Variants in NCOR1 observed in about 807,000 individuals in gnomAD.
NCOR1 encodes nuclear receptor corepressor 1, also known as protein phosphatase 1, regulatory subunit 109.
Under a neutral mutation model 288.1 loss-of-function variants are expected in NCOR1, and 63 were observed. That is an observed-to-expected ratio of 0.22 (90% CI 0.18 to 0.27). The LOEUF is 0.27. Among genes scored for constraint, NCOR1 ranks in the 10% least tolerant of loss-of-function variants. The probability of loss-of-function intolerance (pLI) is 1.00; values close to 1 mark genes in which losing one functional copy is unlikely to be tolerated. For missense variants in NCOR1, 2,397 were observed against 3,019.2 expected, an observed-to-expected ratio of 0.79 and a Z score of 4.83; for synonymous variants, 1,007 against 1,065.9, an observed-to-expected ratio of 0.94 and a Z score of 1.08.
intron 23 of NCOR1, among the ~76,000 whole-genome samples, chr17:16,084,985 T>C (rs1030220184): frequency 6.6e-6 from 1 of 152,106 alleles, no homozygotes; most frequent in Non-Finnish European, 1.5e-5. Context: ...AAACTTCTCA[T>C]CAAAATACCA....
At chr17:16,125,595 G>A (rs1009442408) in intron 15 of NCOR1, among the ~76,000 whole-genome samples, 1 of 150,822 alleles carries the variant, frequency 6.6e-6, no homozygotes, top group Non-Finnish European at 1.5e-5. Context: ...CCAGCTACTC[G>A]GGAGGCTGAG....
Position 16,162,989 on chromosome 17 carries a change from T to C in NCOR1, c.618+1990A>G, listed in dbSNP as rs543184002. The stretch of plus-strand genomic sequence containing the variant: ...CCTTAATAACCCCAGGGGGTTTTCA[T>C]ATAAAACCTAAACAAATTCTGTTCA... On this transcript the variant is annotated intron_variant, in intron 5 of 45. Coordinates refer to ENST00000268712, the MANE Select transcript of NCOR1 (RefSeq NM_006311.4). Among the ~76,000 whole-genome samples the C allele has an allele frequency of 2.6e-5, 4 of 152,210 alleles. No individual in the cohort carries two copies. The East Asian group carries it at 7.7e-4, about 29-fold the overall frequency.
Position 16,087,093 on chromosome 17 carries a change from A to G in NCOR1, c.3017-651T>C, listed in dbSNP as rs969557622. 52 of 1,042,472 alleles carry G rather than the reference A, an allele frequency of 5.0e-5. 1 individual carries two copies. The Admixed American group carries it at 1.4e-3, about 28-fold the overall frequency. 64.6% of individuals were successfully genotyped at this position (1,042,472 alleles called of 1,614,324 possible). On this transcript the variant is annotated intron_variant, in intron 22 of 45. Coordinates refer to ENST00000268712, the MANE Select transcript of NCOR1 (RefSeq NM_006311.4). ...AGGACACGTCCTGGAAGAGCAGTTC[A>G]TTCACGAGATTAAACCACCCACGTG...
intron 26 of NCOR1, among the ~76,000 whole-genome samples, chr17:16,076,195 T>C (rs1377554028): frequency 2.6e-5 from 4 of 152,268 alleles, no homozygotes; most frequent in Non-Finnish European, 4.4e-5. Flanking sequence ...CTTTTTTTGT[T>C]AATGACTTAT....
intron 6 of NCOR1, among the ~76,000 whole-genome samples, chr17:16,154,853 A>C (rs1249461106): frequency 6.6e-6 from 1 of 152,198 alleles, no homozygotes; most frequent in Admixed American, 6.5e-5. Context: ...TAGAGGAAAG[A>C]AGCGTAAGAC....
chr17:16,126,279 G>T, intron 14 of NCOR1, 73 bp from the exon 15 acceptor site: 1 of 1,388,150 alleles, frequency 7.2e-7, no homozygotes, highest in Non-Finnish European at 9.5e-7. Flanking sequence ...GATAAATTAT[G>T]TCTATCTAAA....
intron 26 of NCOR1, among the ~76,000 whole-genome samples, chr17:16,078,362 C>G (rs983141723): frequency 2.6e-5 from 4 of 152,162 alleles, no homozygotes; most frequent in Non-Finnish European, 5.9e-5. Flanking sequence ...AAATCCTTAA[C>G]GCCCACTTCA....
intron 27 of NCOR1, among the ~76,000 whole-genome samples, chr17:16,074,367 G>A (rs1035482572): frequency 6.6e-6 from 1 of 151,768 alleles, no homozygotes; most frequent in Admixed American, 6.6e-5. Context: ...GATGGTGACA[G>A]TGGTGAATAC....
chr17:16,068,166 A>T (rs1445362263), intron 31 of NCOR1, 45 bp from the exon 32 acceptor site: 1 of 1,413,142 alleles, frequency 7.1e-7, no homozygotes. Context: ...GAAACTTGCA[A>T]GTATGATAAT....
intron 3 of NCOR1, among the ~76,000 whole-genome samples, chr17:16,185,946 A>C (rs1050988513): frequency 3.3e-5 from 5 of 152,142 alleles, no homozygotes; most frequent in African/African-American, 1.2e-4. Flanking sequence ...GTCTCCAAAA[A>C]ACAAGAAAAA....
At chr17:16,170,707 T>G (rs1362880095) in intron 4 of NCOR1, among the ~76,000 whole-genome samples, 1 of 151,672 alleles carries the variant, frequency 6.6e-6, no homozygotes, top group Non-Finnish European at 1.5e-5. Context: ...TGGTGGTGCG[T>G]CCCTGTAATC....
chr17:16,172,132 T>C (rs2083246639), intron 3 of NCOR1, 137 bp from the exon 4 acceptor site: 1 of 616,846 alleles, frequency 1.6e-6, no homozygotes, highest in South Asian at 2.5e-5. Context: ...ACCCCTTCTG[T>C]TCCCACCCCC....
chr17:16,197,099 A>C lies in NCOR1; in HGVS notation c.-70-2460T>G, dbSNP rs191764751. 6.1e-3 allele frequency among the ~76,000 whole-genome samples: 932 copies of C among 152,194 alleles called. 10 individuals are homozygous for C. The highest frequency in any genetic ancestry group is 0.038 in the South Asian group (182 of 4,824). ...CACTTTAGGAGGCCAGCGCAGGCAG[A>C]TCACGAGGTCAGGAGTTCAAGGACA... On this transcript the variant is annotated intron_variant, in intron 1 of 45. Transcript: ENST00000268712.
chr17:16,174,666 T>C (rs989918263), intron 3 of NCOR1, among the ~76,000 whole-genome samples: 1 of 152,238 alleles, frequency 6.6e-6, no homozygotes, highest in Non-Finnish European at 1.5e-5. Context: ...TATAATTTAA[T>C]GTATAAAATC....
In NCOR1 at chr17:16,062,107, G is replaced by C. The variant is rs370306971; in HGVS notation, c.5385C>G (p.Ile1795Met). Reference protein sequence around the residue: ...TPLDPTAQLRIMPLPAGGPSI... With the variant: ...TPLDPTAQLRMMPLPAGGPSI... ...CAAAATATGTACAAGAGACTGACAT[G>C]ATTCGTAGCTGAGCAGTTGGATCCA... The change falls in exon 36 of 46, where the codon ATC becomes ATG. Residue 1795 changes from isoleucine to methionine, a missense_variant and splice_region_variant. Transcript: ENST00000268712. The C allele has an allele frequency of 2.5e-6, 4 of 1,610,016 alleles. No homozygotes were observed. Among genetic ancestry groups the C allele is most frequent in the Non-Finnish European group, 3.4e-6 (4 of 1,179,140 alleles).
chr17:16,091,846 T>TA lies in NCOR1; in HGVS notation c.3016+16dup. 2 of 1,613,806 alleles carry TA rather than the reference T, an allele frequency of 1.2e-6. No individual in the cohort carries two copies. Among genetic ancestry groups the TA allele is most frequent in the Non-Finnish European group, 1.7e-6 (2 of 1,180,008 alleles). ...CCCTTCATAAAAGTTCTCTTGGTGA[T>TA]AGCTCTATCTACCTACCTTCCCACT... On this transcript the variant is annotated intron_variant, in intron 22 of 45. Coordinates refer to ENST00000268712, the MANE Select transcript of NCOR1 (RefSeq NM_006311.4).
At chr17:16,057,283 C>A (rs59239162) in intron 40 of NCOR1, 6,196 of 520,650 alleles carry the variant, frequency 0.012, 304 homozygotes, top group African/African-American at 0.11. Flanking sequence ...TACAAACCAA[C>A]AAATAGAATA....
intron 19 of NCOR1, among the ~76,000 whole-genome samples, chr17:16,103,982 A>G (rs1270662072): frequency 1.3e-5 from 2 of 152,226 alleles, no homozygotes; most frequent in Admixed American, 6.5e-5. Context: ...CCTGGGCAAC[A>G]AGAGTGAAAC....
At position 16,057,560 on chromosome 17, in the gene NCOR1, C is replaced by T; in HGVS notation, c.6346G>A (p.Gly2116Ser). Residue 2116 changes from glycine to serine, a missense_variant, in exon 40 of 46, where the codon GGT becomes AGT. By Grantham distance (56) the Gly-to-Ser change is moderately conservative. Around this residue, in one of 11 missense-constraint regions of NCOR1, gnomAD observed 1,872 missense variants for 2,187.8 expected, o/e 0.86. Coordinates refer to ENST00000268712, the MANE Select transcript of NCOR1 (RefSeq NM_006311.4). ...AGATTTTCTGGAGAGACCCTTGAACCTGGTCTTTGATGATGGACAGACTGA... is the reference window on the plus strand; with the variant it reads ...AGATTTTCTGGAGAGACCCTTGAACTTGGTCTTTGATGATGGACAGACTGA... ...QAQSVHHQRP[G>S]SRVSPENLVD... 6.2e-7 allele frequency: 1 copy of T among 1,614,114 alleles called. No homozygotes were observed. Among genetic ancestry groups the T allele is most frequent in the Non-Finnish European group, 8.5e-7 (1 of 1,180,024 alleles).
Sources: allele counts gnomAD v4.1 joint callset (sites outside exome capture counted in the v4.1 genomes callset), GRCh38; gene constraint gnomAD v4.1.1; regional missense constraint gnomAD v4.1.1; transcripts MANE v1.5; gene names NCBI Gene and HGNC (gene_info 2026-07-23, HGNC 2026-07-21).